Variants in PLPP1 observed in about 807,000 individuals in gnomAD.
The protein encoded by PLPP1 is phospholipid phosphatase 1, also known as lipid phosphate phosphohydrolase 1a.
A neutral mutation model predicts 31.2 loss-of-function variants in PLPP1; 24 were observed. That is an observed-to-expected ratio of 0.77 (90% CI 0.56 to 1.08). PLPP1 has a LOEUF of 1.08. Among genes scored for constraint, PLPP1 ranks in the 50% least tolerant of loss-of-function variants. The probability of loss-of-function intolerance (pLI) is 0.00; values close to 1 mark genes in which losing one functional copy is unlikely to be tolerated. For synonymous variants in PLPP1, 146 were observed against 126.3 expected (o/e 1.16, Z -1.05); for missense variants, 319 against 342.7 (o/e 0.93, Z 0.55).
chr5:55,504,259 C>T (rs542153456), intron 1 of PLPP1, among the ~76,000 whole-genome samples: 8 of 150,486 alleles, frequency 5.3e-5, no homozygotes, highest in East Asian at 4.0e-4. Context: ...ATCCCAGCAA[C>T]TTAGGCTGAG....
At chr5:55,510,864 T>C (rs1228787982) in intron 1 of PLPP1, among the ~76,000 whole-genome samples, 1 of 152,174 alleles carries the variant, frequency 6.6e-6, no homozygotes, top group African/African-American at 2.4e-5. Flanking sequence ...TAATACTGTG[T>C]ACATACCTCC....
At chr5:55,475,208 G>A (rs1310446599) in intron 2 of PLPP1, 91 bp downstream of exon 2, 2 of 1,123,058 alleles carry the variant, frequency 1.8e-6, no homozygotes, top group Non-Finnish European at 2.5e-6. Context: ...CATTGTTTTT[G>A]GAGGATTACA....
chr5:55,444,120 T>C (rs1751697229), intron 3 of PLPP1, among the ~76,000 whole-genome samples: 1 of 151,732 alleles, frequency 6.6e-6, no homozygotes, highest in African/African-American at 2.4e-5. Context: ...CTCACTGTAT[T>C]GCCCAGACTG....
chr5:55,460,048 G>A (rs1752117096), intron 3 of PLPP1, among the ~76,000 whole-genome samples: 1 of 152,194 alleles, frequency 6.6e-6, no homozygotes, highest in Middle Eastern at 3.2e-3. Flanking sequence ...TTAATGGACT[G>A]TTTACGTTAT....
chr5:55,530,508 C>A, intron 1 of PLPP1: 1 of 1,194,954 alleles, frequency 8.4e-7, no homozygotes, highest in Middle Eastern at 2.2e-4. Context: ...ATTGCTGTTC[C>A]CTACTGAATC....
intron 1 of PLPP1, among the ~76,000 whole-genome samples, chr5:55,477,022 T>C (rs1323192242): frequency 1.5e-5 from 2 of 130,568 alleles, no homozygotes; most frequent in East Asian, 4.2e-4. Flanking sequence ...CTTCTAGTAA[T>C]GCTACGCCTT....
At chr5:55,476,160 T>TG (rs1352362944) in intron 1 of PLPP1, among the ~76,000 whole-genome samples, 2 of 151,100 alleles carry the variant, frequency 1.3e-5, no homozygotes, top group Admixed American at 6.6e-5. Context: ...TTGGTTTTTT[T>TG]GGGGGTTTTT....
At chr5:55,456,506 G>C (rs2111752248) in intron 3 of PLPP1, among the ~76,000 whole-genome samples, 1 of 152,220 alleles carries the variant, frequency 6.6e-6, no homozygotes. Flanking sequence ...TATGGTGGCA[G>C]GCTGTAGAGA....
chr5:55,481,526 C>G (rs1468881773), intron 1 of PLPP1, among the ~76,000 whole-genome samples: 1 of 152,118 alleles, frequency 6.6e-6, no homozygotes, highest in Non-Finnish European at 1.5e-5. Context: ...CTGAGAAATC[C>G]TGACACACAG....
chr5:55,430,311 A>C (rs1751317410), intron 4 of PLPP1, among the ~76,000 whole-genome samples: 1 of 152,136 alleles, frequency 6.6e-6, no homozygotes. Flanking sequence ...CTCTAACATC[A>C]GTGCCAGCAT....
At chr5:55,493,065 C>T (rs748756809) in intron 1 of PLPP1, among the ~76,000 whole-genome samples, 3 of 152,132 alleles carry the variant, frequency 2.0e-5, no homozygotes, top group Non-Finnish European at 4.4e-5. Context: ...ATAAACCCAA[C>T]ACGTTGAAAG....
At chr5:55,519,747 CAA>C (rs528201029) in intron 1 of PLPP1, among the ~76,000 whole-genome samples, 7 of 122,984 alleles carry the variant, frequency 5.7e-5, no homozygotes, top group Non-Finnish European at 3.5e-5. Flanking sequence ...AATTCTGTCT[CAA>C]AAAAAAAAAA....
chr5:55,448,878 A>G (rs564421137), intron 3 of PLPP1, among the ~76,000 whole-genome samples: 1 of 152,340 alleles, frequency 6.6e-6, no homozygotes, highest in South Asian at 2.1e-4. Context: ...GTATTTGCAT[A>G]TAACCTACAC....
chr5:55,426,668 A>G (rs1334510811), intron 4 of PLPP1, among the ~76,000 whole-genome samples: 2 of 151,946 alleles, frequency 1.3e-5, no homozygotes, highest in Non-Finnish European at 2.9e-5. Flanking sequence ...TTGGCCTCCC[A>G]AAGTGCTGGG....
At chr5:55,490,413 G>T (rs1752865170) in intron 1 of PLPP1, among the ~76,000 whole-genome samples, 1 of 152,042 alleles carries the variant, frequency 6.6e-6, no homozygotes, top group Non-Finnish European at 1.5e-5. Flanking sequence ...GCCTCCCAAA[G>T]TGCTGGGATT....
intron 4 of PLPP1, 113 bp from the exon 5 acceptor site, chr5:55,426,152 A>C: frequency 1.1e-6 from 1 of 923,712 alleles, no homozygotes; most frequent in Non-Finnish European, 1.6e-6. Flanking sequence ...TATAGGGAAC[A>C]GGACTTCTAG....
intron 1 of PLPP1, among the ~76,000 whole-genome samples, chr5:55,518,093 A>G (rs1405656296): frequency 6.6e-6 from 1 of 152,154 alleles, no homozygotes; most frequent in Non-Finnish European, 1.5e-5. Flanking sequence ...TCGGCCTCCC[A>G]GAGTGCTGGG....
chr5:55,501,362 C>A (rs1477723946), intron 1 of PLPP1, among the ~76,000 whole-genome samples: 1 of 152,002 alleles, frequency 6.6e-6, no homozygotes, highest in African/African-American at 2.4e-5. Flanking sequence ...GCAGTAAAAA[C>A]TAACGTATAG....
At chr5:55,453,163 C>T (rs1579933362) in intron 3 of PLPP1, among the ~76,000 whole-genome samples, 1 of 152,100 alleles carries the variant, frequency 6.6e-6, no homozygotes, top group Non-Finnish European at 1.5e-5. Flanking sequence ...CCACATGCAT[C>T]GAGTATCAGT....
Sources: gnomAD v4.1 joint callset for allele counts (sites outside exome capture counted in the v4.1 genomes callset) on GRCh38, gnomAD v4.1.1 for gene constraint, MANE v1.5 for transcripts, NCBI Gene and HGNC (gene_info 2026-07-23, HGNC 2026-07-21) for gene names.